The following ESR1 variants were observed in gnomAD, a reference collection of about 807,000 sequenced individuals.
The protein encoded by ESR1 is estrogen receptor 1.
A neutral mutation model predicts 52.7 loss-of-function variants in ESR1; 12 were observed. The observed-to-expected ratio is 0.23, with a 90% CI of 0.15 to 0.37. The LOEUF (loss-of-function observed/expected upper bound fraction) is 0.37, where lower values mean the gene tolerates loss of function less well. Among genes scored for constraint, ESR1 ranks in the 10% least tolerant of loss-of-function variants. The pLI, the probability that ESR1 is intolerant of heterozygous loss-of-function variation, is 1.00. For missense variants in ESR1, 584 were observed against 779.7 expected (o/e 0.75, Z 2.99); for synonymous variants, 305 against 316.8 (o/e 0.96, Z 0.39).
chr6:151,793,748 A>G (rs1776431629), intron 2 of ESR1, among the ~76,000 whole-genome samples: 1 of 152,190 alleles, frequency 6.6e-6, no homozygotes, highest in Admixed American at 6.5e-5. Context: ...ACTGAGCACC[A>G]AATATGTGCC....
intron 6 of ESR1, among the ~76,000 whole-genome samples, chr6:152,080,213 G>A (rs1436592487): frequency 6.6e-6 from 1 of 152,088 alleles, no homozygotes; most frequent in Non-Finnish European, 1.5e-5. Flanking sequence ...AGTATGAAAT[G>A]AAGGAAAAAA....
chr6:151,842,098 T>A (rs530998788), intron 1 of ESR1, among the ~76,000 whole-genome samples: 1 of 152,320 alleles, frequency 6.6e-6, no homozygotes, highest in South Asian at 2.1e-4. Context: ...TAAAAACTGA[T>A]ATCCAGGGTT....
intron 1 of ESR1, among the ~76,000 whole-genome samples, chr6:151,697,730 G>A (rs979112568): frequency 1.3e-5 from 2 of 152,138 alleles, no homozygotes; most frequent in African/African-American, 2.4e-5. Context: ...TTTGGACTAG[G>A]GGAAATGTGT....
intron 2 of ESR1, among the ~76,000 whole-genome samples, chr6:151,740,285 A>ATTTTTT (rs386408967): frequency 2.0e-4 from 22 of 108,006 alleles, no homozygotes; most frequent in African/African-American, 6.1e-4. Context: ...TGCCTGGCTA[A>ATTTTTT]TTTTTTTTTT....
chr6:151,894,389 T>C (rs774646918), intron 3 of ESR1, among the ~76,000 whole-genome samples: 26 of 152,244 alleles, frequency 1.7e-4, no homozygotes, highest in Non-Finnish European at 2.9e-4. Flanking sequence ...CTCTTTAGTT[T>C]AACTAAGTCC....
intron 5 of ESR1, among the ~76,000 whole-genome samples, chr6:152,024,445 A>G (rs1296093042): frequency 6.6e-6 from 1 of 151,798 alleles, no homozygotes; most frequent in Non-Finnish European, 1.5e-5. Flanking sequence ...GAAATTATGT[A>G]AAATATAAAT....
At chr6:152,081,402 A>G (rs934239164) in intron 6 of ESR1, among the ~76,000 whole-genome samples, 1 of 152,080 alleles carries the variant, frequency 6.6e-6, no homozygotes, top group African/African-American at 2.4e-5. Flanking sequence ...ATGAAGGCAG[A>G]AATAAAGATG....
At chr6:151,835,120 A>G (rs1444164639) in intron 1 of ESR1, among the ~76,000 whole-genome samples, 4 of 152,144 alleles carry the variant, frequency 2.6e-5, no homozygotes, top group Non-Finnish European at 5.9e-5. Context: ...GAGAAGAGGA[A>G]GGGTGCTCTA....
At chr6:152,010,679 A>G (rs1383346814) in intron 4 of ESR1, among the ~76,000 whole-genome samples, 1 of 152,142 alleles carries the variant, frequency 6.6e-6, no homozygotes, top group Admixed American at 6.6e-5. Context: ...TATAGTGTCC[A>G]TTGTGGTCAA....
chr6:152,063,015 T>C (rs1189710420), intron 6 of ESR1, among the ~76,000 whole-genome samples: 2 of 152,112 alleles, frequency 1.3e-5, no homozygotes, highest in African/African-American at 4.8e-5. Context: ...ACCCAGGGTT[T>C]TTACAACCCA....
chr6:151,804,827 G>A (rs1162794165), upstream of ESR1: 1 of 152,216 alleles, frequency 6.6e-6, no homozygotes. Context: ...CTGGGACCCT[G>A]AGCGTGGGCA....
chr6:151,867,984 G>A (rs565353409), intron 2 of ESR1, among the ~76,000 whole-genome samples: 5 of 152,128 alleles, frequency 3.3e-5, no homozygotes, highest in Middle Eastern at 3.4e-3. Flanking sequence ...AAAAATCAGG[G>A]GTACATATGC....
At chr6:151,970,822 C>T (rs566837014) in intron 4 of ESR1, among the ~76,000 whole-genome samples, 73 of 152,314 alleles carry the variant, frequency 4.8e-4, no homozygotes, top group Non-Finnish European at 7.3e-4. Flanking sequence ...TTCCCCACCT[C>T]ATTCTCTCCC....
At chr6:152,071,785 TTTCTC>T (rs1394625986) in intron 6 of ESR1, among the ~76,000 whole-genome samples, 1 of 152,252 alleles carries the variant, frequency 6.6e-6, no homozygotes, top group Non-Finnish European at 1.5e-5. Flanking sequence ...ACGTAAGTGA[TTTCTC>T]TTTCAGGATT....
intron 4 of ESR1, among the ~76,000 whole-genome samples, chr6:151,970,017 G>A (rs1372682713): frequency 6.6e-6 from 1 of 151,204 alleles, no homozygotes; most frequent in Non-Finnish European, 1.5e-5. Context: ...CTTGATTCTT[G>A]TACAAGACTC....
chr6:151,767,237 C>G (rs186237202), intron 2 of ESR1, among the ~76,000 whole-genome samples: 1 of 152,288 alleles, frequency 6.6e-6, no homozygotes, highest in South Asian at 2.1e-4. Flanking sequence ...ACATTTACAA[C>G]TTTATTCTCT....
intron 5 of ESR1, among the ~76,000 whole-genome samples, chr6:152,041,674 A>G (rs1387609514): frequency 6.6e-6 from 1 of 152,222 alleles, no homozygotes; most frequent in Non-Finnish European, 1.5e-5. Flanking sequence ...TCATGAATAT[A>G]ATGGACCAGT....
At chr6:151,668,031 T>C (rs1193428560) in intron 1 of ESR1, among the ~76,000 whole-genome samples, 2 of 152,188 alleles carry the variant, frequency 1.3e-5, no homozygotes, top group African/African-American at 4.8e-5. Context: ...ATCATGAAAA[T>C]GTAGCAAAGA....
In ESR1 at chr6:151,759,268, C is replaced by CAA. The variant is rs984171376; in HGVS notation, c.-70-48555_-70-48554dup. Reference sequence around the variant, plus strand: ...CCAGCATGGCGACTGGACTCTGTCTCAAAAAAAAAAAAAAAAAAAAAGAAA... The same window carrying CAA: ...CCAGCATGGCGACTGGACTCTGTCTCAAAAAAAAAAAAAAAAAAAAAAAGAAA... On this transcript the variant is annotated intron_variant, in intron 2 of 2. Transcript: ENST00000404742. Among the ~76,000 whole-genome samples the CAA allele has an allele frequency of 4.7e-3, 310 of 65,942 alleles. 2 individuals are homozygous for CAA. Among genetic ancestry groups the CAA allele is most frequent in the African/African-American group, 0.011 (253 of 22,216 alleles). 43.3% of individuals were successfully genotyped at this position (65,942 alleles called of 152,430 possible).
Sources: gnomAD v4.1 joint callset for allele counts (sites outside exome capture counted in the v4.1 genomes callset) on GRCh38, gnomAD v4.1.1 for gene constraint, MANE v1.5 for transcripts, NCBI Gene and HGNC (gene_info 2026-07-23, HGNC 2026-07-21) for gene names.